Variants in EDIL3 observed in about 807,000 individuals in gnomAD.
EDIL3 encodes the protein EGF-like repeat and discoidin I-like domain-containing protein 3.
A neutral mutation model predicts 67.4 loss-of-function variants in EDIL3; 37 were observed. The observed-to-expected ratio is 0.55, with a 90% CI of 0.42 to 0.72. The LOEUF (loss-of-function observed/expected upper bound fraction) is 0.72, where lower values mean the gene tolerates loss of function less well. EDIL3 is among the 30% of genes least tolerant of loss of function. The pLI, the probability that EDIL3 is intolerant of heterozygous loss-of-function variation, is 0.00. For missense variants in EDIL3, 527 were observed against 586.3 expected (o/e 0.90, Z 1.04); for synonymous variants, 195 against 196.3 (o/e 0.99, Z 0.05).
chr5:84,298,965 T>C (rs1746102063), intron 1 of EDIL3, among the ~76,000 whole-genome samples: 3 of 152,140 alleles, frequency 2.0e-5, no homozygotes. Flanking sequence ...CATAGCCTCA[T>C]TTGCGAGCTG....
chr5:84,118,519 A>G (rs986104906), intron 5 of EDIL3, among the ~76,000 whole-genome samples: 1 of 152,164 alleles, frequency 6.6e-6, no homozygotes, highest in African/African-American at 2.4e-5. Flanking sequence ...GTCTTCACAA[A>G]CTTTCTATTA....
At chr5:84,041,698 C>CTA (rs10600425) in intron 9 of EDIL3, among the ~76,000 whole-genome samples, 29 of 147,054 alleles carry the variant, frequency 2.0e-4, no homozygotes, top group East Asian at 1.6e-3. Context: ...ATATCTCTAC[C>CTA]TATATATATA....
chr5:84,165,233 C>T (rs1471389611), intron 4 of EDIL3, among the ~76,000 whole-genome samples: 2 of 151,930 alleles, frequency 1.3e-5, no homozygotes, highest in South Asian at 2.1e-4. Context: ...TGTACATGGC[C>T]GGACAAATGC....
At chr5:84,064,902 T>A in intron 7 of EDIL3, 58 bp from the exon 8 acceptor site, 9 of 1,556,934 alleles carry the variant, frequency 5.8e-6, no homozygotes, top group Non-Finnish European at 7.8e-6. Context: ...TATTTTTACA[T>A]ATTTACCCTA....
chr5:83,943,328 AC>A lies in EDIL3; in HGVS notation c.*90del, dbSNP rs1435386228. ...ACTTTTTCATGAAAAAAAAAAAAAA[AC>A]CATTCAGTTTCCTACAGATTTTGCA... is the stretch of plus-strand genomic sequence containing the variant. On this transcript the variant is annotated 3_prime_UTR_variant, in exon 11 of 11. Transcript: ENST00000296591. 102 of 1,508,634 alleles carry A rather than the reference AC, an allele frequency of 6.8e-5. No individual in the cohort carries two copies. In the East Asian group the frequency reaches 1.8e-3, roughly 27 times the overall value. 93.5% of individuals were successfully genotyped at this position (1,508,634 alleles called of 1,614,324 possible).
At chr5:83,983,691 T>C (rs564678436) in intron 9 of EDIL3, among the ~76,000 whole-genome samples, 16 of 150,988 alleles carry the variant, frequency 1.1e-4, no homozygotes, top group Middle Eastern at 3.5e-3. Context: ...AGAGTAGTAA[T>C]GAGAACCAAA....
intron 4 of EDIL3, 69 bp from the exon 5 acceptor site, chr5:84,137,423 A>G: frequency 7.3e-7 from 1 of 1,364,892 alleles, no homozygotes; most frequent in Non-Finnish European, 1.0e-6. Flanking sequence ...GGAAAGTTTT[A>G]ACATTTGAAA....
intron 9 of EDIL3, among the ~76,000 whole-genome samples, chr5:84,046,494 G>GCAAT (rs1405965091): frequency 1.3e-5 from 2 of 152,284 alleles, no homozygotes; most frequent in African/African-American, 4.8e-5. Flanking sequence ...GACTGGCTCT[G>GCAAT]CAATCTTTAA....
chr5:84,309,900 C>G (rs1169339948), intron 1 of EDIL3, among the ~76,000 whole-genome samples: 1 of 152,266 alleles, frequency 6.6e-6, no homozygotes, highest in East Asian at 1.9e-4. Context: ...AGTTCTAGAT[C>G]CCTGAAGAAT....
chr5:84,148,972 CAA>C lies in EDIL3; in HGVS notation c.356-11620_356-11619del, dbSNP rs60662947. Reference sequence around the variant, plus strand: ...TTGTTTTAAAAAACAACAAAAACGACAAAAAAAAAAAAAAAAAAACCTCAGAC... The same window carrying C: ...TTGTTTTAAAAAACAACAAAAACGACAAAAAAAAAAAAAAAAACCTCAGAC... On this transcript the variant is annotated intron_variant, in intron 4 of 10. Coordinates refer to ENST00000296591, the MANE Select transcript of EDIL3 (RefSeq NM_005711.5). Among the ~76,000 whole-genome samples, 726 of 87,012 alleles carry C rather than the reference CAA, an allele frequency of 8.3e-3. 4 individuals are homozygous for C. The highest frequency in any genetic ancestry group is 0.023 in the African/African-American group (509 of 21,836). The allele number at this position is 87,012 out of a possible 152,430, so 57.1% of individuals were successfully genotyped here.
intron 6 of EDIL3, among the ~76,000 whole-genome samples, chr5:84,075,072 T>C (rs1338292107): frequency 6.6e-6 from 1 of 152,046 alleles, no homozygotes; most frequent in Non-Finnish European, 1.5e-5. Context: ...AATTGGAAAT[T>C]ATCATTCTCA....
At chr5:84,349,319 C>G (rs550654331) in intron 1 of EDIL3, among the ~76,000 whole-genome samples, 1 of 152,204 alleles carries the variant, frequency 6.6e-6, no homozygotes, top group South Asian at 2.1e-4. Flanking sequence ...TGACCTGAAG[C>G]AGCTTGTTTC....
chr5:84,192,824 T>C (rs72776536), intron 3 of EDIL3, among the ~76,000 whole-genome samples: 3,942 of 151,942 alleles, frequency 0.026, 70 homozygotes, highest in Middle Eastern at 0.044. Context: ...GATAATCAAA[T>C]AAGAAAAAGT....
chr5:84,282,608 G>T (rs932483000), intron 1 of EDIL3, among the ~76,000 whole-genome samples: 1 of 151,872 alleles, frequency 6.6e-6, no homozygotes, highest in African/African-American at 2.4e-5. Context: ...ATTTATTTTG[G>T]ATATGTACCT....
intron 9 of EDIL3, among the ~76,000 whole-genome samples, chr5:83,969,401 A>G (rs1744752544): frequency 1.3e-5 from 2 of 151,842 alleles, no homozygotes; most frequent in African/African-American, 2.4e-5. Flanking sequence ...ATAAACAAAA[A>G]AGGCCTTTTA....
chr5:84,125,571 CAT>C, intron 5 of EDIL3, among the ~76,000 whole-genome samples: 1 of 152,048 alleles, frequency 6.6e-6, no homozygotes, highest in South Asian at 2.1e-4. Context: ...AAGAGAATTA[CAT>C]GTGTGTTTAG....
At chr5:84,343,811 T>G (rs1318268437) in intron 1 of EDIL3, among the ~76,000 whole-genome samples, 1 of 152,088 alleles carries the variant, frequency 6.6e-6, no homozygotes, top group Non-Finnish European at 1.5e-5. Context: ...GAAAGAAGTA[T>G]GCACTTCTCT....
chr5:84,323,951 G>A (rs1044292757), intron 1 of EDIL3, among the ~76,000 whole-genome samples: 1 of 151,792 alleles, frequency 6.6e-6, no homozygotes, highest in Non-Finnish European at 1.5e-5. Flanking sequence ...AAAATAGACA[G>A]TTCTACAATA....
At chr5:84,028,771 A>T (rs747939470) in intron 9 of EDIL3, among the ~76,000 whole-genome samples, 1 of 152,134 alleles carries the variant, frequency 6.6e-6, no homozygotes, top group Non-Finnish European at 1.5e-5. Context: ...ATACATAGAT[A>T]TACTAGTATA....
Sources: allele counts gnomAD v4.1 joint callset (sites outside exome capture counted in the v4.1 genomes callset), GRCh38; gene constraint gnomAD v4.1.1; transcripts MANE v1.5; gene names NCBI Gene and HGNC (gene_info 2026-07-23, HGNC 2026-07-21).